Variants in PSG6 observed in about 807,000 individuals in gnomAD.
PSG6 encodes the protein pregnancy-specific beta-1-glycoprotein 6.
Under a neutral mutation model 43.3 loss-of-function variants are expected in PSG6, and 51 were observed. That is an observed-to-expected ratio of 1.18 (90% CI 0.94 to 1.49). The LOEUF is 1.49. Ranked by LOEUF, PSG6 falls within the 40% of genes most tolerant of loss-of-function variation. The pLI is 0.00. For missense variants in PSG6, 770 were observed against 522.2 expected (o/e 1.47, Z -4.62); for synonymous variants, 292 against 197.6 (o/e 1.48, Z -4.01).
chr19:42,907,791 A>G lies in PSG6; in HGVS notation c.770T>C (p.Leu257Ser), dbSNP rs1058710. The G allele has an allele frequency of 1.2e-6, 2 of 1,611,286 alleles. No individual in the cohort carries two copies. Among genetic ancestry groups the G allele is most frequent in the East Asian group, 2.2e-5 (1 of 44,794 alleles). The change falls in exon 4 of 6, where the codon TTA becomes TCA. Residue 257 changes from leucine (L) to serine (S), a missense_variant. Coordinates refer to ENST00000187910, the MANE Select transcript of PSG6 (RefSeq NM_001031850.4). ...NLNPREKKDV[L>S]AFTCEPKSRN... ...ACTCTTAGGTTCACAGGTGAAGGCT[A>G]ACACATCCTTCTTCTCCCTGGGGTT...
rs758633006 is a variant in PSG6 at position 42,910,515 on chromosome 19, C to T, written c.706+65G>A. ...CTTGGACCTGAGAGGGACTGAGAGG[C>T]CTGGCCTCTGGCCACTTGTATTTGG... On this transcript the variant is annotated intron_variant, in intron 3 of 5. Coordinates refer to ENST00000187910, the MANE Select transcript of PSG6 (RefSeq NM_001031850.4). The T allele has an allele frequency of 7.3e-5, 118 of 1,612,296 alleles. 1 individual carries two copies. In the African/African-American group the frequency reaches 8.7e-4, roughly 12 times the overall value.
At chr19:42,909,664 C>T (rs1229550387) in intron 3 of PSG6, 3 of 151,446 alleles carry the variant, frequency 2.0e-5, no homozygotes, top group Non-Finnish European at 4.4e-5. Context: ...TATTTTATTC[C>T]TTTTGATGTT....
Position 42,916,356 on chromosome 19 carries a change from T to A in PSG6, c.196A>T (p.Ile66Phe), listed in dbSNP as rs146811925. 1.2e-6 allele frequency: 2 copies of A among 1,612,042 alleles called. No individual in the cohort carries two copies. Among genetic ancestry groups the A allele is most frequent in the African/African-American group, 2.7e-5 (2 of 74,662 alleles). ...HNLPQNLTGY[I>F]WYKGQMTDLY... The stretch of plus-strand genomic sequence containing the variant: ...TCCGTCATTTGCCCTTTGTACCAGA[T>A]GTAGCCAGTAAGATTCTGGGGCAAA... Residue 66 changes from isoleucine to phenylalanine, a missense_variant, in exon 2 of 6, where the codon ATC becomes TTC. Ile to Phe is a conservative substitution (Grantham distance 21). Transcript: ENST00000187910.
chr19:42,912,552 A>T (rs1175195444), intron 2 of PSG6, among the ~76,000 whole-genome samples: 2 of 151,816 alleles, frequency 1.3e-5, no homozygotes, highest in Non-Finnish European at 2.9e-5. Flanking sequence ...TGTCAATTAC[A>T]TAAAAGGAGG....
Position 42,910,606 on chromosome 19 carries a change from C to G in PSG6, c.680G>C (p.Ser227Thr), listed in dbSNP as rs768329323. ...GAGGAGATTCAGGGTGACTGGGTCA[C>G]TGCGGCTGGCACTCACTGGGTTCCG... ...EIRNPVSASR[S>T]DPVTLNLLPK... The change falls in exon 3 of 6, where the codon AGT (serine) becomes ACT (threonine). Residue 227 changes from serine to threonine, a missense_variant. By Grantham distance (58) the Ser-to-Thr change is moderately conservative. Coordinates refer to ENST00000187910, the MANE Select transcript of PSG6 (RefSeq NM_001031850.4). 6.8e-6 allele frequency: 11 copies of G among 1,612,408 alleles called. No homozygotes were observed. Among genetic ancestry groups the G allele is most frequent in the Non-Finnish European group, 9.3e-6 (11 of 1,179,274 alleles).
chr19:42,910,343 T>G, intron 3 of PSG6: 2 of 1,071,726 alleles, frequency 1.9e-6, no homozygotes, highest in Non-Finnish European at 2.7e-6. Flanking sequence ...TTCACCTGTT[T>G]CTTCCATCAC....
At position 42,902,256 on chromosome 19, in the gene PSG6, C is replaced by T. The variant is rs1486785183; in HGVS notation, c.*156G>A. 3 of 995,956 alleles carry T rather than the reference C, an allele frequency of 3.0e-6. No homozygotes were observed. The African/African-American group carries it at 4.9e-5, about 16-fold the overall frequency. 61.7% of individuals were successfully genotyped at this position (995,956 alleles called of 1,614,324 possible). A position where few individuals can be genotyped will look rare whatever the true frequency, so the allele number is the denominator to read the frequency against. ...AAGTTCATAAATCTGGAGAATAAAA[C>T]ATTCCAAGAATCAGCACATTTTCCA... On this transcript the variant is annotated 3_prime_UTR_variant, in exon 6 of 6. Transcript: ENST00000187910.
chr19:42,915,990 C>T (rs376871607), intron 2 of PSG6, 135 bp downstream of exon 2: 2 of 1,473,762 alleles, frequency 1.4e-6, no homozygotes, highest in Admixed American at 1.8e-5. Context: ...GTGTCCTGCA[C>T]TAAATGCCCA....
At chr19:42,906,896 T>C in intron 5 of PSG6, 26 bp downstream of exon 5, 1 of 1,612,134 alleles carries the variant, frequency 6.2e-7, no homozygotes, top group Non-Finnish European at 8.5e-7. Flanking sequence ...AAAACCCTAT[T>C]GCCAAGGATG....
chr19:42,903,542 C>T, intron 5 of PSG6: 3 of 1,306,718 alleles, frequency 2.3e-6, no homozygotes, highest in South Asian at 3.9e-5. Context: ...AATTGACAAC[C>T]ATTAACTAGA....
chr19:42,908,976 A>G (rs1398650858), intron 3 of PSG6, among the ~76,000 whole-genome samples: 3 of 151,640 alleles, frequency 2.0e-5, no homozygotes, highest in Admixed American at 6.6e-5. Context: ...GATCTGCTGT[A>G]GAGCTTGATG....
At position 42,902,448 on chromosome 19, in the gene PSG6, T is replaced by G; in HGVS notation, c.1241-2A>C. On this transcript the variant is annotated splice_acceptor_variant, in intron 5 of 5. Coordinates refer to ENST00000187910, the MANE Select transcript of PSG6 (RefSeq NM_001031850.4). LOFTEE classifies it high-confidence loss of function. ...CTGTCTGGTTTCCATGGCAGGGACC[T>G]GATTGACAGAAGGCCCAGGTCAGCG... 1 of 1,610,964 alleles carries G rather than the reference T, an allele frequency of 6.2e-7. No homozygotes were observed. The highest frequency in any genetic ancestry group is 8.5e-7 in the Non-Finnish European group (1 of 1,178,232).
intron 5 of PSG6, chr19:42,903,506 T>C: frequency 9.0e-7 from 1 of 1,108,634 alleles, no homozygotes; most frequent in South Asian, 2.2e-5. Context: ...AAACCAAAAG[T>C]TGATTCTTCA....
Position 42,916,221 on chromosome 19 carries a change from C to T in PSG6, c.331G>A (p.Val111Ile). Residue 111 changes from valine to isoleucine, a missense_variant, in exon 2 of 6, where the codon GTC (valine) becomes ATC (isoleucine). By Grantham distance (29) the Val-to-Ile change is conservative. Transcript: ENST00000187910. ...TAGGATCCTGCATCCTCCTGTGTGA[C>T]ATTCTGGATCAGCAGGGATGCATTG... ...YSNASLLIQNVTQEDAGSYTL... is the reference protein window; with the variant it reads ...YSNASLLIQNITQEDAGSYTL... 7 of 1,612,268 alleles carry T rather than the reference C, an allele frequency of 4.3e-6. No individual in the cohort carries two copies. The African/African-American group carries it at 5.3e-5, about 12-fold the overall frequency.
At position 42,914,752 on chromosome 19, in the gene PSG6, G is replaced by T. The variant is rs186615400; in HGVS notation, c.427+1373C>A. ...ATTTCTTCATTCCATTCCTTCATTT[G>T]TTATGTGAGAGCTCCTGAGTGTGTC... is the stretch of plus-strand genomic sequence containing the variant. On this transcript the variant is annotated intron_variant, in intron 2 of 5. Transcript: ENST00000187910. 6.6e-5 allele frequency among the ~76,000 whole-genome samples: 10 copies of T among 151,672 alleles called. No homozygotes were observed. In the East Asian group the frequency reaches 7.8e-4, roughly 12 times the overall value.
chr19:42,909,633 T>C (rs1972180292), intron 3 of PSG6: 2 of 151,786 alleles, frequency 1.3e-5, no homozygotes, highest in Non-Finnish European at 2.9e-5. Flanking sequence ...TTTGACCTTT[T>C]TGGTTAAACT....
intron 1 of PSG6, among the ~76,000 whole-genome samples, chr19:42,917,181 T>G (rs1972352864): frequency 6.6e-6 from 1 of 151,298 alleles, no homozygotes; most frequent in Non-Finnish European, 1.5e-5. Context: ...TTATCATTTT[T>G]CAAAATGTGG....
chr19:42,902,812 C>T (rs997232789), intron 5 of PSG6, among the ~76,000 whole-genome samples: 1 of 151,490 alleles, frequency 6.6e-6, no homozygotes, highest in Non-Finnish European at 1.5e-5. Flanking sequence ...TAAAAACTAA[C>T]ATACCAGACT....
chr19:42,902,464 C>T lies in PSG6; in HGVS notation c.1241-18G>A. 1 of 1,608,512 alleles carries T rather than the reference C, an allele frequency of 6.2e-7. No individual in the cohort carries two copies. The highest frequency in any genetic ancestry group is 8.5e-7 in the Non-Finnish European group (1 of 1,177,216). On this transcript the variant is annotated intron_variant, in intron 5 of 5. Coordinates refer to ENST00000187910, the MANE Select transcript of PSG6 (RefSeq NM_001031850.4). ...GCAGGGACCTGATTGACAGAAGGCC[C>T]AGGTCAGCGCATTTCAAATTCACTA...
Sources: gnomAD v4.1 joint callset for allele counts (sites outside exome capture counted in the v4.1 genomes callset) on GRCh38, gnomAD v4.1.1 for gene constraint, MANE v1.5 for transcripts, NCBI Gene and HGNC (gene_info 2026-07-23, HGNC 2026-07-21) for gene names.